The following TNFSF4 variants were observed in gnomAD, a reference collection of about 807,000 sequenced individuals.
The protein encoded by TNFSF4 is TNF superfamily member 4.
A neutral mutation model predicts 7.3 loss-of-function variants in TNFSF4; 4 were observed. The observed-to-expected ratio is 0.55, with a 90% CI of 0.27 to 1.25. The LOEUF is 1.25. Among genes scored for constraint, TNFSF4 ranks in the 50% most tolerant of loss-of-function variants. The pLI is 0.12. For missense variants in TNFSF4, 181 were observed against 208.8 expected, an observed-to-expected ratio of 0.87 and a Z score of 0.82; for synonymous variants, 76 against 83.7, an observed-to-expected ratio of 0.91 and a Z score of 0.50.
At chr1:173,308,819 C>T in the TNFSF4 span, among the ~76,000 whole-genome samples, 2 of 151,880 alleles carry the variant, frequency 1.3e-5, no homozygotes, top group Admixed American at 1.3e-4. Context: ...TGGAGCCTAG[C>T]TGGGACTGTG....
chr1:173,402,986 G>T, the TNFSF4 span, among the ~76,000 whole-genome samples: 1 of 152,056 alleles, frequency 6.6e-6, no homozygotes, highest in South Asian at 2.1e-4. Flanking sequence ...CTGAGTAGCT[G>T]GGACCACAGG....
the TNFSF4 span, among the ~76,000 whole-genome samples, chr1:173,306,629 C>A: frequency 1.3e-5 from 2 of 151,950 alleles, no homozygotes; most frequent in East Asian, 1.9e-4. Context: ...GTCTACACTT[C>A]CTTTCACATA....
chr1:173,350,685 C>T, the TNFSF4 span, among the ~76,000 whole-genome samples: 2 of 152,210 alleles, frequency 1.3e-5, no homozygotes, highest in African/African-American at 4.8e-5. Context: ...TTCTTGGTGC[C>T]TCCACCAACC....
the TNFSF4 span, among the ~76,000 whole-genome samples, chr1:173,404,164 C>T: frequency 4.6e-5 from 7 of 152,290 alleles, no homozygotes; most frequent in African/African-American, 1.7e-4. Context: ...GATAATGGGG[C>T]AAGTCCCTTT....
chr1:173,287,489 C>T, the TNFSF4 span, among the ~76,000 whole-genome samples: 1 of 152,072 alleles, frequency 6.6e-6, no homozygotes, highest in Non-Finnish European at 1.5e-5. Context: ...AAATTGGTAC[C>T]ATTATTTTAC....
At chr1:173,429,918 T>C in the TNFSF4 span, among the ~76,000 whole-genome samples, 1 of 152,224 alleles carries the variant, frequency 6.6e-6, no homozygotes, top group Non-Finnish European at 1.5e-5. Flanking sequence ...GCTGACGCTG[T>C]CAGCTGCTGC....
the TNFSF4 span, among the ~76,000 whole-genome samples, chr1:173,237,892 A>C: frequency 6.6e-6 from 1 of 152,228 alleles, no homozygotes; most frequent in Non-Finnish European, 1.5e-5. Flanking sequence ...TTCTTCACTG[A>C]ACTAGAAAAA....
the TNFSF4 span, among the ~76,000 whole-genome samples, chr1:173,411,961 T>C: frequency 6.6e-6 from 1 of 150,736 alleles, no homozygotes; most frequent in Admixed American, 6.6e-5. Context: ...CTACTAAAGA[T>C]ACAAAGAATT....
the TNFSF4 span, among the ~76,000 whole-genome samples, chr1:173,361,350 T>C: frequency 2.0e-5 from 3 of 152,110 alleles, no homozygotes; most frequent in Non-Finnish European, 4.4e-5. Flanking sequence ...TCTTCATAAG[T>C]ATGACCAACA....
At chr1:173,435,132 C>G in the TNFSF4 span, among the ~76,000 whole-genome samples, 7 of 152,104 alleles carry the variant, frequency 4.6e-5, no homozygotes, top group African/African-American at 9.7e-5. Context: ...TGCTGGTAAG[C>G]AGTAAAGCCA....
chr1:173,369,570 G>A, the TNFSF4 span, among the ~76,000 whole-genome samples: 2 of 152,072 alleles, frequency 1.3e-5, no homozygotes, highest in South Asian at 2.1e-4. Flanking sequence ...CCAAAACTAT[G>A]GGTGGTTTTT....
chr1:173,331,490 A>G, the TNFSF4 span, among the ~76,000 whole-genome samples: 2 of 152,354 alleles, frequency 1.3e-5, no homozygotes, highest in East Asian at 3.9e-4. Context: ...AAGGAAATCT[A>G]AACTACTTTC....
At chr1:173,366,925 C>A in the TNFSF4 span, among the ~76,000 whole-genome samples, 1 of 152,152 alleles carries the variant, frequency 6.6e-6, no homozygotes, top group Non-Finnish European at 1.5e-5. Context: ...AAGAGAATGG[C>A]CATTTTCAAG....
At position 173,207,305 on chromosome 1, in the gene TNFSF4, C is replaced by G; in HGVS notation, c.-129G>C. The G allele has an allele frequency of 1.2e-6, 1 of 806,594 alleles. No individual in the cohort carries two copies. The highest frequency in any genetic ancestry group is 1.9e-6 in the Non-Finnish European group (1 of 535,014). 50.0% of individuals were successfully genotyped at this position (806,594 alleles called of 1,614,324 possible). A position where few individuals can be genotyped will look rare whatever the true frequency, so the allele number is the denominator to read the frequency against. ...TATCAATCAGAAAATAGGCAAAGGTCCCAGGGCCAGAGATAAAAGGCGATT... is the reference window on the plus strand; with the variant it reads ...TATCAATCAGAAAATAGGCAAAGGTGCCAGGGCCAGAGATAAAAGGCGATT... On this transcript the variant is annotated 5_prime_UTR_variant, in exon 1 of 3. Transcript: ENST00000281834.
chr1:173,267,466 C>G, the TNFSF4 span, among the ~76,000 whole-genome samples: 3 of 152,162 alleles, frequency 2.0e-5, no homozygotes, highest in Admixed American at 2.0e-4. Flanking sequence ...AATGAAATAT[C>G]TGCTCTATTG....
At chr1:173,186,911 G>A (rs755626355) in intron 2 of TNFSF4, 46 bp from the exon 3 acceptor site, 6 of 1,325,666 alleles carry the variant, frequency 4.5e-6, no homozygotes, top group Non-Finnish European at 6.3e-6. Flanking sequence ...CCTAAGCATA[G>A]AATTGGGCAA....
chr1:173,342,434 C>T, the TNFSF4 span, among the ~76,000 whole-genome samples: 1 of 152,196 alleles, frequency 6.6e-6, no homozygotes, highest in African/African-American at 2.4e-5. Flanking sequence ...GTTATTACAT[C>T]TTGCTTATTA....
the TNFSF4 span, among the ~76,000 whole-genome samples, chr1:173,426,147 C>T: frequency 2.6e-5 from 4 of 152,186 alleles, no homozygotes; most frequent in African/African-American, 9.6e-5. Flanking sequence ...TCAACTCTAA[C>T]GTTCCTTCCT....
intron 1 of TNFSF4, among the ~76,000 whole-genome samples, chr1:173,197,946 CA>C (rs1649776027): frequency 6.6e-6 from 1 of 151,878 alleles, no homozygotes; most frequent in African/African-American, 2.4e-5. Context: ...ATGCCAGTAC[CA>C]AATCAAATTA....
Sources: gnomAD v4.1 joint callset for allele counts (sites outside exome capture counted in the v4.1 genomes callset) on GRCh38, gnomAD v4.1.1 for gene constraint, MANE v1.5 for transcripts, NCBI Gene and HGNC (gene_info 2026-07-23, HGNC 2026-07-21) for gene names.